IGF1R: variants seen among roughly 807,000 people sequenced by gnomAD.
The protein encoded by IGF1R is insulin-like growth factor 1 receptor.
A neutral mutation model predicts 144.6 loss-of-function variants in IGF1R; 44 were observed. That is an observed-to-expected ratio of 0.30 (90% CI 0.24 to 0.39). The LOEUF is 0.39. Among genes scored for constraint, IGF1R ranks in the 10% least tolerant of loss-of-function variants. The pLI, the probability that IGF1R is intolerant of heterozygous loss-of-function variation, is 1.00. For missense variants in IGF1R, 1,355 were observed against 1,833.7 expected (o/e 0.74, Z 4.77); for synonymous variants, 795 against 722.8 (o/e 1.10, Z -1.60).
intron 1 of IGF1R, among the ~76,000 whole-genome samples, chr15:98,680,506 T>G (rs943917945): frequency 1.3e-5 from 2 of 152,092 alleles, no homozygotes; most frequent in African/African-American, 4.8e-5. Flanking sequence ...GACCTCGTGA[T>G]CCACCCACCT....
intron 1 of IGF1R, among the ~76,000 whole-genome samples, chr15:98,693,331 G>T (rs2053522342): frequency 6.6e-6 from 1 of 152,194 alleles, no homozygotes; most frequent in South Asian, 2.1e-4. Flanking sequence ...TTACCACCCT[G>T]TTGTGGGGAT....
chr15:98,662,624 G>A (rs945309676), intron 1 of IGF1R, among the ~76,000 whole-genome samples: 1 of 152,134 alleles, frequency 6.6e-6, no homozygotes, highest in African/African-American at 2.4e-5. Flanking sequence ...ACTACTGGTG[G>A]AGAGTAACAG....
At chr15:98,845,935 C>T (rs908605414) in intron 2 of IGF1R, among the ~76,000 whole-genome samples, 2 of 152,202 alleles carry the variant, frequency 1.3e-5, no homozygotes, top group Non-Finnish European at 2.9e-5. Flanking sequence ...TGAGCCTGAT[C>T]AAGGCTCTGC....
At chr15:98,844,590 GA>G (rs1414669287) in intron 2 of IGF1R, among the ~76,000 whole-genome samples, 1 of 151,902 alleles carries the variant, frequency 6.6e-6, no homozygotes, top group Non-Finnish European at 1.5e-5. Flanking sequence ...CTTGAGATCA[GA>G]AAAAGTTTTG....
At chr15:98,661,910 C>G (rs976683121) in intron 1 of IGF1R, among the ~76,000 whole-genome samples, 12 of 151,126 alleles carry the variant, frequency 7.9e-5, no homozygotes, top group African/African-American at 2.9e-4. Context: ...GCCTCCAGTC[C>G]TCCTTCCCCA....
At chr15:98,853,033 T>C (rs1444045449) in intron 2 of IGF1R, among the ~76,000 whole-genome samples, 1 of 152,226 alleles carries the variant, frequency 6.6e-6, no homozygotes, top group Non-Finnish European at 1.5e-5. Context: ...AGATCGATTT[T>C]GATTAGCAAC....
At chr15:98,814,914 A>G (rs1049464707) in intron 2 of IGF1R, among the ~76,000 whole-genome samples, 2 of 152,224 alleles carry the variant, frequency 1.3e-5, no homozygotes, top group South Asian at 2.1e-4. Flanking sequence ...TCAAACTTAC[A>G]TTCTGAAAGG....
At chr15:98,700,919 C>CT (rs35651965) in intron 1 of IGF1R, among the ~76,000 whole-genome samples, 32 of 151,666 alleles carry the variant, frequency 2.1e-4, no homozygotes, top group South Asian at 4.2e-4. Flanking sequence ...GCTATTAAAA[C>CT]TTTTTTTTTC....
At chr15:98,812,710 G>A (rs973871550) in intron 2 of IGF1R, among the ~76,000 whole-genome samples, 6 of 152,074 alleles carry the variant, frequency 3.9e-5, no homozygotes, top group Non-Finnish European at 5.9e-5. Context: ...CCTTCCAAAC[G>A]TGACCTTTTT....
chr15:98,707,868 G>A lies in IGF1R; in HGVS notation c.401G>A (p.Arg134Lys), dbSNP rs778243153. 1.9e-6 allele frequency: 3 copies of A among 1,614,122 alleles called. No individual in the cohort carries two copies. Among genetic ancestry groups the A allele is most frequent in the Non-Finnish European group, 2.5e-6 (3 of 1,180,010 alleles). Residue 134 changes from arginine to lysine, a missense_variant, in exon 2 of 21, where the codon AGG becomes AAG. Transcript: ENST00000650285. This position sits in a 1 kb window ranked among gnomAD's most constrained non-coding sequence, Gnocchi z 6.7. ...AAGGATATTGGGCTTTACAACCTGA[G>A]GAACATTACTCGGGGGGCCATCAGG... ...NLKDIGLYNLRNITRGAIRIE... is the reference protein window; with the variant it reads ...NLKDIGLYNLKNITRGAIRIE...
At position 98,865,286 on chromosome 15, in the gene IGF1R, T is replaced by C. The variant is rs186176997; in HGVS notation, c.641-26039T>C. On this transcript the variant is annotated intron_variant, in intron 2 of 20. Transcript: ENST00000650285. ...ATACAGCGAGATAGGTAAAATCTATTTGAGTATTACTTACAGACCCCAAAG... is the reference window on the plus strand; with the variant it reads ...ATACAGCGAGATAGGTAAAATCTATCTGAGTATTACTTACAGACCCCAAAG... Among the ~76,000 whole-genome samples, 67 of 152,356 alleles carry C rather than the reference T, an allele frequency of 4.4e-4. No individual in the cohort carries two copies. The East Asian group carries it at 0.013, about 29-fold the overall frequency.
chr15:98,940,682 G>C (rs2016332466), intron 18 of IGF1R, among the ~76,000 whole-genome samples: 1 of 152,230 alleles, frequency 6.6e-6, no homozygotes, highest in African/African-American at 2.4e-5. Flanking sequence ...TGAGATTACA[G>C]GCGTGAGCCA....
At chr15:98,652,934 CTT>C (rs5814887) in intron 1 of IGF1R, among the ~76,000 whole-genome samples, 1,534 of 143,324 alleles carry the variant, frequency 0.011, 22 homozygotes, top group African/African-American at 0.036. Context: ...TCAATAAACC[CTT>C]TTTTTTTTTT....
At chr15:98,737,997 A>T (rs2054652098) in intron 2 of IGF1R, among the ~76,000 whole-genome samples, 1 of 152,092 alleles carries the variant, frequency 6.6e-6, no homozygotes. Flanking sequence ...TGCTGCTCTG[A>T]GGTGGATGGT....
chr15:98,705,442 CTG>C (rs1440235012), intron 1 of IGF1R, among the ~76,000 whole-genome samples: 28 of 152,274 alleles, frequency 1.8e-4, no homozygotes, highest in Admixed American at 1.5e-3. Flanking sequence ...ATGTATGTGA[CTG>C]TGTATAAGTG....
At chr15:98,827,724 A>C (rs570228296) in intron 2 of IGF1R, among the ~76,000 whole-genome samples, 1 of 152,250 alleles carries the variant, frequency 6.6e-6, no homozygotes, top group Non-Finnish European at 1.5e-5. Context: ...CTGGGATTAC[A>C]TGCGCACGCC....
In IGF1R at chr15:98,840,493, C is replaced by T. The variant is rs184393557; in HGVS notation, c.641-50832C>T. Among the ~76,000 whole-genome samples, 157 of 152,168 alleles carry T rather than the reference C, an allele frequency of 1.0e-3. 1 individual carries two copies. Among genetic ancestry groups the T allele is most frequent in the African/African-American group, 3.4e-3 (143 of 41,520 alleles). On this transcript the variant is annotated intron_variant, in intron 2 of 20. Coordinates refer to ENST00000650285, the MANE Select transcript of IGF1R (RefSeq NM_000875.5). The stretch of plus-strand genomic sequence containing the variant: ...AAGATGGAGTCTCACTCTGTCACCC[C>T]GGCTGGAGCGCAGTAGTGCAGTCGT...
intron 2 of IGF1R, among the ~76,000 whole-genome samples, chr15:98,872,401 T>G (rs1277337554): frequency 6.6e-6 from 1 of 152,114 alleles, no homozygotes; most frequent in East Asian, 1.9e-4. Context: ...ACTGGACACC[T>G]CCAAGGATGA....
At chr15:98,778,339 C>A (rs1259487908) in intron 2 of IGF1R, among the ~76,000 whole-genome samples, 1 of 152,150 alleles carries the variant, frequency 6.6e-6, no homozygotes, top group African/African-American at 2.4e-5. Flanking sequence ...GTGCTTGATG[C>A]CTTTTGCTTC....
Sources: allele counts gnomAD v4.1 joint callset (sites outside exome capture counted in the v4.1 genomes callset), GRCh38; gene constraint gnomAD v4.1.1; non-coding constraint Gnocchi (gnomAD v3.1); transcripts MANE v1.5; gene names NCBI Gene and HGNC (gene_info 2026-07-23, HGNC 2026-07-21).